The following CCDC141 variants were observed in gnomAD, a reference collection of about 807,000 sequenced individuals.
CCDC141 encodes coiled-coil domain-containing protein 141.
Under a neutral mutation model 181.0 loss-of-function variants are expected in CCDC141, and 168 were observed. That is an observed-to-expected ratio of 0.93 (90% CI 0.82 to 1.05). The LOEUF is 1.05. CCDC141 is among the 50% of genes least tolerant of loss of function. The pLI, the probability that CCDC141 is intolerant of heterozygous loss-of-function variation, is 0.00. For missense variants in CCDC141, 1,902 were observed against 1,788.5 expected (o/e 1.06, Z -1.14); for synonymous variants, 666 against 642.3 (o/e 1.04, Z -0.56).
intron 17 of CCDC141, among the ~76,000 whole-genome samples, chr2:178,862,075 C>T (rs1370809464): frequency 6.6e-6 from 1 of 152,164 alleles, no homozygotes; most frequent in Non-Finnish European, 1.5e-5. Context: ...CACTATTCCT[C>T]TATTCTAATT....
chr2:178,840,080 T>C (rs550358807), intron 22 of CCDC141, among the ~76,000 whole-genome samples: 1 of 152,346 alleles, frequency 6.6e-6, no homozygotes, highest in East Asian at 1.9e-4. Context: ...GGATCTGAAT[T>C]GGCCTCCTGG....
chr2:178,820,285 C>A, the CCDC141 span, among the ~76,000 whole-genome samples: 1 of 152,102 alleles, frequency 6.6e-6, no homozygotes, highest in Admixed American at 6.6e-5. Context: ...CTTGGTTTGG[C>A]CACACCGGTG....
chr2:178,876,625 A>C (rs907637613), intron 12 of CCDC141: 2 of 152,178 alleles, frequency 1.3e-5, no homozygotes, highest in African/African-American at 4.8e-5. Context: ...TATTTTAAAA[A>C]CTGGTTTAAT....
At chr2:178,902,570 T>C (rs1191133290) in intron 8 of CCDC141, among the ~76,000 whole-genome samples, 1 of 152,178 alleles carries the variant, frequency 6.6e-6, no homozygotes, top group Non-Finnish European at 1.5e-5. Context: ...AAGCTGAAAC[T>C]GGATCCCCTC....
chr2:178,935,158 G>A (rs1422036197), intron 6 of CCDC141, among the ~76,000 whole-genome samples: 1 of 151,968 alleles, frequency 6.6e-6, no homozygotes, highest in Admixed American at 6.6e-5. Flanking sequence ...GGGATACAGT[G>A]AAGGTTTGTT....
chr2:178,938,027 A>C (rs1389807824), intron 6 of CCDC141, among the ~76,000 whole-genome samples: 1 of 151,974 alleles, frequency 6.6e-6, no homozygotes, highest in African/African-American at 2.4e-5. Context: ...GGATTCATTG[A>C]TCTTTTGAAT....
chr2:179,031,204 G>C (rs1479141247), intron 2 of CCDC141, among the ~76,000 whole-genome samples: 2 of 148,042 alleles, frequency 1.4e-5, no homozygotes, highest in African/African-American at 5.0e-5. Context: ...ATTTTCACTT[G>C]TTTTTTTTTT....
rs1690378575 is a variant in CCDC141, at chr2:178,961,160, G to A, written c.780+70C>T. The A allele has an allele frequency of 2.0e-5, 29 of 1,479,084 alleles. 1 individual carries two copies. In the South Asian group the frequency reaches 3.3e-4, roughly 17 times the overall value. The allele number at this position is 1,479,084 out of a possible 1,614,324, so 91.6% of individuals were successfully genotyped here. A position where few individuals can be genotyped will look rare whatever the true frequency, so the allele number is the denominator to read the frequency against. ...CCATGAAGACTGACAAACTGCCCCA[G>A]GGAATGGTTAATCCATATAACAACT... On this transcript the variant is annotated intron_variant, in intron 5 of 23. Transcript: ENST00000443758.
rs1331389214 is a variant in CCDC141 at position 178,961,314 on chromosome 2, T to C, written c.696A>G (p.Arg232=). ...GTTGCTTCAAGTACTTGTCTAGTTG[T>C]CTTCTCCTGTCTTGTAGAAGTTCAA... ...RLLELLQDRR[R]QLDKYLKQQW... The change falls in exon 5 of 24, where the codon AGA becomes AGG. Residue 232 remains arginine, a synonymous_variant. Transcript: ENST00000443758. 1 of 1,550,480 alleles carries C rather than the reference T, an allele frequency of 6.4e-7. No homozygotes were observed. Among genetic ancestry groups the C allele is most frequent in the Non-Finnish European group, 8.7e-7 (1 of 1,146,954 alleles).
intron 6 of CCDC141, among the ~76,000 whole-genome samples, chr2:178,936,384 T>G (rs936564443): frequency 8.5e-5 from 13 of 152,170 alleles, no homozygotes; most frequent in Admixed American, 8.5e-4. Flanking sequence ...TTTGTCAGCT[T>G]TTTTGAAGAT....
rs558265740 is a variant in CCDC141 at position 178,923,174 on chromosome 2, G to A, written c.898-4267C>T. ...GGCTGGAGTGCAGTGGCGGGATCTC[G>A]GCTCACTGCAAGCTCCGCCTCCCGG... is the stretch of plus-strand genomic sequence containing the variant. On this transcript the variant is annotated intron_variant, in intron 6 of 23. Coordinates refer to ENST00000443758, the MANE Select transcript of CCDC141 (RefSeq NM_173648.4). Among the ~76,000 whole-genome samples, 6 of 146,358 alleles carry A rather than the reference G, an allele frequency of 4.1e-5. No individual in the cohort carries two copies. In the South Asian group the frequency reaches 8.7e-4, roughly 21 times the overall value.
At chr2:179,020,054 C>G (rs2042650891) in intron 2 of CCDC141, among the ~76,000 whole-genome samples, 3 of 152,200 alleles carry the variant, frequency 2.0e-5, no homozygotes, top group Non-Finnish European at 2.9e-5. Flanking sequence ...CTATGCCCAG[C>G]TGGAAAGATC....
At chr2:178,860,543 C>CCTTTTTT (rs1685563598) in intron 17 of CCDC141, among the ~76,000 whole-genome samples, 1 of 51,338 alleles carries the variant, frequency 1.9e-5, no homozygotes, top group Non-Finnish European at 3.4e-5. Flanking sequence ...AAAAACAACA[C>CCTTTTTT]TTTTTTTTTT....
At chr2:178,876,486 T>C (rs1022166064) in intron 12 of CCDC141, 2 of 152,222 alleles carry the variant, frequency 1.3e-5, no homozygotes, top group Non-Finnish European at 2.9e-5. Context: ...ATTGTCTATG[T>C]CATTGATAAG....
chr2:178,975,902 T>A (rs764908224), intron 3 of CCDC141, among the ~76,000 whole-genome samples: 4 of 152,142 alleles, frequency 2.6e-5, no homozygotes, highest in Non-Finnish European at 4.4e-5. Context: ...ATGCATTACA[T>A]CTATAAATAA....
chr2:178,864,240 G>A (rs1685744234), intron 17 of CCDC141, among the ~76,000 whole-genome samples: 1 of 152,164 alleles, frequency 6.6e-6, no homozygotes, highest in South Asian at 2.1e-4. Flanking sequence ...GAAGAAAGGG[G>A]GAGGGGAGGA....
chr2:178,954,233 T>G (rs1690068999), intron 5 of CCDC141, among the ~76,000 whole-genome samples: 1 of 152,254 alleles, frequency 6.6e-6, no homozygotes, highest in Non-Finnish European at 1.5e-5. Flanking sequence ...ATAAATCTTC[T>G]TGCCAAGATA....
At chr2:178,920,226 G>A (rs999042588) in intron 6 of CCDC141, among the ~76,000 whole-genome samples, 2 of 152,136 alleles carry the variant, frequency 1.3e-5, no homozygotes, top group South Asian at 4.1e-4. Context: ...AGAAGTCTCA[G>A]TCTGACTCCA....
chr2:179,014,091 G>A (rs909208967), intron 2 of CCDC141, among the ~76,000 whole-genome samples: 7 of 151,246 alleles, frequency 4.6e-5, no homozygotes, highest in Non-Finnish European at 7.4e-5. Flanking sequence ...ATAGACACAT[G>A]GAACAGAGAA....
Sources: gnomAD v4.1 joint callset for allele counts (sites outside exome capture counted in the v4.1 genomes callset) on GRCh38, gnomAD v4.1.1 for gene constraint, MANE v1.5 for transcripts, NCBI Gene and HGNC (gene_info 2026-07-23, HGNC 2026-07-21) for gene names.